Variants in IMMP2L observed in about 807,000 individuals in gnomAD.
The protein encoded by IMMP2L is inner mitochondrial membrane peptidase subunit 2.
Under a neutral mutation model 19.3 loss-of-function variants are expected in IMMP2L, and 18 were observed. The ratio of observed to expected loss-of-function variants is 0.93; its 90% CI spans 0.64 to 1.38. The LOEUF is 1.38. IMMP2L is among the 40% of genes most tolerant of loss of function. IMMP2L has a pLI of 0.00. For missense variants in IMMP2L, 233 were observed against 218.2 expected, an observed-to-expected ratio of 1.07 and a Z score of -0.43; for synonymous variants, 76 against 73.0, an observed-to-expected ratio of 1.04 and a Z score of -0.21.
chr7:111,307,952 T>C (rs1249506198), intron 3 of IMMP2L, among the ~76,000 whole-genome samples: 3 of 151,928 alleles, frequency 2.0e-5, no homozygotes, highest in Admixed American at 1.3e-4. Flanking sequence ...CAGAATATAA[T>C]TGAACACTTT....
chr7:111,078,630 T>A (rs1221546983), intron 3 of IMMP2L, among the ~76,000 whole-genome samples: 1 of 152,186 alleles, frequency 6.6e-6, no homozygotes, highest in Non-Finnish European at 1.5e-5. Context: ...ATATACAATA[T>A]ATCCTTTGAT....
Position 111,207,557 on chromosome 7 carries a change from T to TG in IMMP2L, c.240-243993dup, listed in dbSNP as rs1491134486. Among the ~76,000 whole-genome samples, 200 of 120,822 alleles carry TG rather than the reference T, an allele frequency of 1.7e-3. 1 individual carries two copies. Among genetic ancestry groups the TG allele is most frequent in the African/African-American group, 6.4e-3 (186 of 29,142 alleles). The allele number at this position is 120,822 out of a possible 152,430, so 79.3% of individuals were successfully genotyped here. ...TGGTTTTTTTTTTTTTTTTTTTTTT[T>TG]GAGACAGAATCTTGCTCTGTCATCA... On this transcript the variant is annotated intron_variant, in intron 3 of 5. Transcript: ENST00000405709.
At chr7:111,018,674 C>T (rs1039093338) in intron 3 of IMMP2L, among the ~76,000 whole-genome samples, 1 of 151,950 alleles carries the variant, frequency 6.6e-6, no homozygotes, top group African/African-American at 2.4e-5. Context: ...AACTGAGGCT[C>T]AGAGTTAAAT....
intron 3 of IMMP2L, among the ~76,000 whole-genome samples, chr7:111,437,628 C>A (rs1462023847): frequency 6.6e-6 from 1 of 151,800 alleles, no homozygotes; most frequent in East Asian, 1.9e-4. Context: ...ATTACCAGTT[C>A]TTTTCATTTT....
chr7:111,310,308 G>A (rs984007572), intron 3 of IMMP2L, among the ~76,000 whole-genome samples: 3 of 150,270 alleles, frequency 2.0e-5, no homozygotes, highest in Non-Finnish European at 3.0e-5. Context: ...CTGGATCCAC[G>A]AACTTCGCCA....
At chr7:110,951,580 CAT>C (rs1027818294) in intron 4 of IMMP2L, among the ~76,000 whole-genome samples, 2 of 150,082 alleles carry the variant, frequency 1.3e-5, no homozygotes, top group African/African-American at 4.9e-5. Context: ...TGTGTGTATA[CAT>C]ATATATATTT....
chr7:110,923,280 C>A (rs1329418772), intron 4 of IMMP2L, among the ~76,000 whole-genome samples: 1 of 152,066 alleles, frequency 6.6e-6, no homozygotes, highest in African/African-American at 2.4e-5. Context: ...TATGGCTTGA[C>A]CATAAACACA....
intron 3 of IMMP2L, among the ~76,000 whole-genome samples, chr7:111,199,568 C>G: frequency 6.6e-6 from 1 of 152,106 alleles, no homozygotes; most frequent in East Asian, 1.9e-4. Context: ...ACAATGTTAA[C>G]CTATATAATT....
At chr7:110,854,532 G>A (rs548785750) in intron 5 of IMMP2L, among the ~76,000 whole-genome samples, 1 of 151,988 alleles carries the variant, frequency 6.6e-6, no homozygotes, top group Admixed American at 6.6e-5. Flanking sequence ...CTTGGAACAT[G>A]CACTTAAAAC....
intron 3 of IMMP2L, among the ~76,000 whole-genome samples, chr7:111,251,851 T>C (rs1816166511): frequency 6.6e-6 from 1 of 152,022 alleles, no homozygotes. Context: ...CACATTTATC[T>C]ATGTAACAAA....
chr7:110,683,283 A>G (rs2130466107), intron 5 of IMMP2L, among the ~76,000 whole-genome samples: 1 of 152,196 alleles, frequency 6.6e-6, no homozygotes, highest in South Asian at 2.1e-4. Flanking sequence ...ATCTCCTCTA[A>G]TGGAAATAAA....
At chr7:110,764,882 G>C (rs1412320754) in intron 5 of IMMP2L, among the ~76,000 whole-genome samples, 1 of 152,002 alleles carries the variant, frequency 6.6e-6, no homozygotes, top group Non-Finnish European at 1.5e-5. Context: ...AGCCAACCAA[G>C]ATGTTATTAA....
chr7:110,741,627 G>C (rs1796994573), intron 5 of IMMP2L, among the ~76,000 whole-genome samples: 1 of 152,106 alleles, frequency 6.6e-6, no homozygotes, highest in Middle Eastern at 3.2e-3. Context: ...AGCAATAAAT[G>C]TCTATTGTTT....
intron 5 of IMMP2L, among the ~76,000 whole-genome samples, chr7:110,680,621 G>T (rs1489490011): frequency 6.6e-6 from 1 of 152,094 alleles, no homozygotes; most frequent in East Asian, 1.9e-4. Flanking sequence ...TTACAGGTGT[G>T]GGCATGGCAC....
At chr7:110,891,313 AAG>A (rs1278528278) in intron 4 of IMMP2L, among the ~76,000 whole-genome samples, 1 of 152,162 alleles carries the variant, frequency 6.6e-6, no homozygotes, top group Non-Finnish European at 1.5e-5. Flanking sequence ...TGGCCTCTGA[AAG>A]AGAAAAAAAC....
intron 3 of IMMP2L, among the ~76,000 whole-genome samples, chr7:111,469,617 A>G (rs543997937): frequency 3.7e-4 from 56 of 152,256 alleles, no homozygotes; most frequent in African/African-American, 1.3e-3. Context: ...AAAACAAGCA[A>G]CGGGGAAAGG....
chr7:110,898,814 T>C (rs1245135875), intron 4 of IMMP2L, among the ~76,000 whole-genome samples: 1 of 148,758 alleles, frequency 6.7e-6, no homozygotes, highest in Non-Finnish European at 1.5e-5. Flanking sequence ...TTTGTTTTTT[T>C]TTTTTTTTAA....
At chr7:110,679,174 C>CG (rs1360412576) in intron 5 of IMMP2L, among the ~76,000 whole-genome samples, 3 of 151,964 alleles carry the variant, frequency 2.0e-5, no homozygotes, top group Admixed American at 2.0e-4. Flanking sequence ...AACAGGCCTC[C>CG]GGGGGTATCT....
intron 3 of IMMP2L, among the ~76,000 whole-genome samples, chr7:111,348,140 G>C (rs1453541740): frequency 8.5e-6 from 1 of 117,026 alleles, no homozygotes; most frequent in Non-Finnish European, 1.7e-5. Flanking sequence ...GCCTGTCGTG[G>C]GGTGGGGGGA....
Sources: allele counts gnomAD v4.1 joint callset (sites outside exome capture counted in the v4.1 genomes callset), GRCh38; gene constraint gnomAD v4.1.1; transcripts MANE v1.5; gene names NCBI Gene and HGNC (gene_info 2026-07-23, HGNC 2026-07-21).